The following FOXP1 variants were observed in gnomAD, a reference collection of about 807,000 sequenced individuals.
FOXP1 encodes the protein forkhead box protein P1.
Under a neutral mutation model 98.2 loss-of-function variants are expected in FOXP1, and 15 were observed. The observed-to-expected ratio is 0.15, with a 90% CI of 0.10 to 0.24. The LOEUF (loss-of-function observed/expected upper bound fraction) is 0.24, where lower values mean the gene tolerates loss of function less well. Among genes scored for constraint, FOXP1 ranks in the 10% least tolerant of loss-of-function variants. The probability of loss-of-function intolerance (pLI) is 1.00; values close to 1 mark genes in which losing one functional copy is unlikely to be tolerated. For missense variants in FOXP1, 633 were observed against 848.5 expected, an observed-to-expected ratio of 0.75 and a Z score of 3.15; for synonymous variants, 371 against 314.5, an observed-to-expected ratio of 1.18 and a Z score of -1.90.
chr3:71,058,660 T>TA (rs1019498350), intron 7 of FOXP1, among the ~76,000 whole-genome samples: 1 of 151,624 alleles, frequency 6.6e-6, no homozygotes, highest in Non-Finnish European at 1.5e-5. Flanking sequence ...AGCTAGCCTG[T>TA]ATAGAAGAAA....
chr3:71,232,877 C>CAAAACAAAAAAA lies in FOXP1; in HGVS notation c.-11-34486_-11-34485insTTTTTTTGTTTT, dbSNP rs528237968. Among the ~76,000 whole-genome samples, 147 of 31,430 alleles carry CAAAACAAAAAAA rather than the reference C, an allele frequency of 4.7e-3. 8 individuals are homozygous for CAAAACAAAAAAA. The highest frequency in any genetic ancestry group is 0.014 in the Admixed American group (28 of 1,938). 20.6% of individuals were successfully genotyped at this position (31,430 alleles called of 152,430 possible). A position where few individuals can be genotyped will look rare whatever the true frequency, so the allele number is the denominator to read the frequency against. On this transcript the variant is annotated intron_variant, in intron 5 of 20. Coordinates refer to ENST00000649528, the MANE Select transcript of FOXP1 (RefSeq NM_001349338.3). ...CGTGCCACAGAGCAAAACTCTGTCT[C>CAAAACAAAAAAA]AAAAAAAAAAAAAAAAAAAGCAAGA...
chr3:71,314,242 G>A (rs995813764), intron 4 of FOXP1, among the ~76,000 whole-genome samples: 4 of 152,074 alleles, frequency 2.6e-5, no homozygotes, highest in African/African-American at 9.7e-5. Flanking sequence ...CTTAAAAATA[G>A]CTGGCTGGCC....
At chr3:71,429,435 C>T (rs1021831985) in intron 3 of FOXP1, among the ~76,000 whole-genome samples, 4 of 126,676 alleles carry the variant, frequency 3.2e-5, no homozygotes, top group African/African-American at 6.2e-5. Flanking sequence ...AAGCAGGCAG[C>T]GAGGCGGAAC....
intron 3 of FOXP1, among the ~76,000 whole-genome samples, chr3:71,480,336 GA>G (rs2090177434): frequency 6.6e-6 from 1 of 152,124 alleles, no homozygotes; most frequent in Non-Finnish European, 1.5e-5. Context: ...ACTAGAACTG[GA>G]ATTACCACCT....
intron 13 of FOXP1, among the ~76,000 whole-genome samples, chr3:70,998,549 C>T (rs1013206638): frequency 6.6e-6 from 1 of 152,166 alleles, no homozygotes; most frequent in East Asian, 1.9e-4. Context: ...TCTTCCATTA[C>T]GGCAAACTCC....
At chr3:71,454,380 C>A (rs1332223943) in intron 3 of FOXP1, among the ~76,000 whole-genome samples, 2 of 151,992 alleles carry the variant, frequency 1.3e-5, no homozygotes, top group Non-Finnish European at 2.9e-5. Context: ...ACGTGGTTAC[C>A]CACTGAAGCA....
At chr3:71,522,409 A>G (rs997325719) in intron 2 of FOXP1, among the ~76,000 whole-genome samples, 2 of 152,190 alleles carry the variant, frequency 1.3e-5, no homozygotes, top group Non-Finnish European at 2.9e-5. Flanking sequence ...GGGGCACTTA[A>G]TAAGTCAGAG....
intron 2 of FOXP1, among the ~76,000 whole-genome samples, chr3:71,498,806 A>C (rs2041106101): frequency 6.6e-6 from 1 of 152,132 alleles, no homozygotes; most frequent in Non-Finnish European, 1.5e-5. Flanking sequence ...GCAGTTTTGC[A>C]TTCCATAGGT....
At chr3:70,976,302 C>CCTTAGCCTCCCAA (rs1197411279) in intron 17 of FOXP1, among the ~76,000 whole-genome samples, 1 of 152,116 alleles carries the variant, frequency 6.6e-6, no homozygotes, top group African/African-American at 2.4e-5. Flanking sequence ...GATCCTCTTG[C>CCTTAGCCTCCCAA]CTTAGCCTCC....
At chr3:71,351,934 C>G (rs2077808554) in intron 4 of FOXP1, among the ~76,000 whole-genome samples, 1 of 152,176 alleles carries the variant, frequency 6.6e-6, no homozygotes, top group African/African-American at 2.4e-5. Context: ...AAGTGGTTGT[C>G]CTTGTTCCTA....
At chr3:71,255,552 G>C (rs993547576) in intron 5 of FOXP1, among the ~76,000 whole-genome samples, 2 of 151,930 alleles carry the variant, frequency 1.3e-5, no homozygotes, top group African/African-American at 4.8e-5. Context: ...TCATTTACTG[G>C]TTGAGCTCTT....
At chr3:71,281,047 A>AT (rs1560234517) in intron 5 of FOXP1, among the ~76,000 whole-genome samples, 1 of 150,016 alleles carries the variant, frequency 6.7e-6, no homozygotes, top group African/African-American at 2.5e-5. Flanking sequence ...TACAAAAAAA[A>AT]AAAAAAAAAA....
intron 2 of FOXP1, among the ~76,000 whole-genome samples, chr3:71,517,653 G>C (rs2042679647): frequency 6.6e-6 from 1 of 152,102 alleles, no homozygotes; most frequent in Admixed American, 6.6e-5. Flanking sequence ...ATTCATACCA[G>C]AGAGAAGAGA....
intron 5 of FOXP1, among the ~76,000 whole-genome samples, chr3:71,204,292 TTTTAATGTGCA>T (rs2063869082): frequency 6.6e-6 from 1 of 152,256 alleles, no homozygotes; most frequent in Admixed American, 6.5e-5. Context: ...ACTGGTTCCC[TTTTAATGTGCA>T]AAGGGTTTAC....
intron 3 of FOXP1, among the ~76,000 whole-genome samples, chr3:71,440,530 T>C (rs1481751358): frequency 6.6e-6 from 1 of 151,962 alleles, no homozygotes; most frequent in Admixed American, 6.6e-5. Context: ...ACAAGAAAGT[T>C]AGCTGGGCAT....
intron 5 of FOXP1, among the ~76,000 whole-genome samples, chr3:71,221,926 AG>A (rs1328263991): frequency 2.6e-5 from 4 of 152,194 alleles, no homozygotes; most frequent in Non-Finnish European, 5.9e-5. Flanking sequence ...AGGCCGAGGC[AG>A]GCGGATCACG....
chr3:71,203,979 A>C (rs1278464994), intron 5 of FOXP1, among the ~76,000 whole-genome samples: 3 of 151,846 alleles, frequency 2.0e-5, no homozygotes, highest in African/African-American at 4.8e-5. Context: ...GAAGGAAGGA[A>C]GGAAGGAAGG....
At chr3:71,348,480 C>A (rs146174486) in intron 4 of FOXP1, among the ~76,000 whole-genome samples, 1 of 150,952 alleles carries the variant, frequency 6.6e-6, no homozygotes, top group Admixed American at 6.6e-5. Flanking sequence ...CTATTAAACA[C>A]CTCCCAGGTG....
intron 5 of FOXP1, among the ~76,000 whole-genome samples, chr3:71,219,957 C>T (rs991007212): frequency 2.0e-5 from 3 of 152,162 alleles, no homozygotes; most frequent in Admixed American, 1.3e-4. Flanking sequence ...TACTCCAAGG[C>T]CTTTCTGTCT....
Sources: gnomAD v4.1 joint callset for allele counts (sites outside exome capture counted in the v4.1 genomes callset) on GRCh38, gnomAD v4.1.1 for gene constraint, MANE v1.5 for transcripts, NCBI Gene and HGNC (gene_info 2026-07-23, HGNC 2026-07-21) for gene names.